The following CDH26 variants were observed in gnomAD, a reference collection of about 807,000 sequenced individuals.
CDH26 encodes the protein cadherin 26, also known as cadherin-like protein 26.
Under a neutral mutation model 90.3 loss-of-function variants are expected in CDH26, and 83 were observed. That is an observed-to-expected ratio of 0.92 (90% confidence interval 0.77 to 1.10). The LOEUF is 1.10. Among genes scored for constraint, CDH26 ranks in the 50% least tolerant of loss-of-function variants. The probability of loss-of-function intolerance (pLI) is 0.00; values close to 1 mark genes in which losing one functional copy is unlikely to be tolerated. For missense variants in CDH26, 1,013 were observed against 1,037.6 expected (o/e 0.98, Z 0.33); for synonymous variants, 397 against 396.3 (o/e 1.00, Z -0.02).
intron 16 of CDH26, among the ~76,000 whole-genome samples, chr20:60,006,200 AG>A (rs2061747639): frequency 6.6e-6 from 1 of 152,152 alleles, no homozygotes; most frequent in Admixed American, 6.5e-5. Flanking sequence ...GGGATTTGTG[AG>A]CCCCCAGATA....
chr20:60,017,415 T>A (rs191141590), downstream of CDH26, among the ~76,000 whole-genome samples: 204 of 152,150 alleles, frequency 1.3e-3, 1 homozygote, highest in South Asian at 2.3e-3. Context: ...TTCACAGTAA[T>A]TAATAATTCT....
At chr20:60,001,499 T>C in intron 15 of CDH26, 88 bp downstream of exon 15, 1 of 1,533,386 alleles carries the variant, frequency 6.5e-7, no homozygotes, top group Non-Finnish European at 8.8e-7. Flanking sequence ...TGTAGAAGAT[T>C]CGGTGATACT....
chr20:59,967,934 CCTTTCTTTCTTTCTTTCTTTCTATCTTT>C lies in CDH26; in HGVS notation c.70-1010_70-983del, dbSNP rs1210447246. The stretch of plus-strand genomic sequence containing the variant: ...CTTTCCTTTCCTTTCCTTTCCTTTC[CCTTTCTTTCTTTCTTTCTTTCTATCTTT>C]CTTTCTTTCTTTCTTTCTTTCTTTC... On this transcript the variant is annotated intron_variant, in intron 1 of 17. Coordinates refer to ENST00000348616, the MANE Select transcript of CDH26 (RefSeq NM_177980.4). Among the ~76,000 whole-genome samples, 59 of 109,816 alleles carry C rather than the reference CCTTTCTTTCTTTCTTTCTTTCTATCTTT, an allele frequency of 5.4e-4. 2 individuals carry two copies. The highest frequency in any genetic ancestry group is 4.7e-3 in the Middle Eastern group (1 of 212). 72.0% of individuals were successfully genotyped at this position (109,816 alleles called of 152,430 possible).
Position 59,985,148 on chromosome 20 carries a change from C to T in CDH26, c.837+19C>T. The T allele has an allele frequency of 6.2e-7, 1 of 1,612,206 alleles. No individual in the cohort carries two copies. The highest frequency in any genetic ancestry group is 1.1e-5 in the South Asian group (1 of 90,792). On this transcript the variant is annotated intron_variant, in intron 7 of 17. Transcript: ENST00000348616. ...GGAGAACGTGAGGCTCCTGGGCCGC[C>T]CCAACGTCTAAGCCCCAAAACAAGT...
At chr20:60,005,930 G>A (rs1049032597) in intron 16 of CDH26, among the ~76,000 whole-genome samples, 1 of 152,140 alleles carries the variant, frequency 6.6e-6, no homozygotes, top group African/African-American at 2.4e-5. Context: ...CACAGAACAC[G>A]CCAAGTTCCC....
At chr20:59,967,888 C>CTCT (rs1569024377) in intron 1 of CDH26, among the ~76,000 whole-genome samples, 16 of 116,222 alleles carry the variant, frequency 1.4e-4, no homozygotes, top group African/African-American at 6.8e-4. Flanking sequence ...TTCCTTCCTT[C>CTCT]CTTCCTTCCT....
intron 1 of CDH26, among the ~76,000 whole-genome samples, chr20:59,961,785 G>C (rs1278402448): frequency 6.6e-6 from 1 of 152,162 alleles, no homozygotes; most frequent in Non-Finnish European, 1.5e-5. Context: ...ACAAGCCAAG[G>C]AAGAGGAGTT....
intron 15 of CDH26, among the ~76,000 whole-genome samples, chr20:60,002,252 G>C (rs2061686831): frequency 6.6e-6 from 1 of 152,038 alleles, no homozygotes; most frequent in African/African-American, 2.4e-5. Context: ...GCACAAAGAT[G>C]ATGCCACAAA....
Position 60,021,897 on chromosome 20 carries a change from C to CACACACACACACACACACATAT in CDH26, c.948-9333_948-9332insCACACACACACACACACATATA, listed in dbSNP as rs1295572684. ...ACACACACACACACACACACACACA[C>CACACACACACACACACACATAT]ATATATATATATATATATATCCTGA... On this transcript the variant is annotated intron_variant, in intron 7 of 8. Transcript: ENST00000370991. 3.2e-3 allele frequency among the ~76,000 whole-genome samples: 253 copies of CACACACACACACACACACATAT among 78,968 alleles called. 23 individuals carry two copies. The highest frequency in any genetic ancestry group is 4.8e-3 in the Non-Finnish European group (162 of 33,794). 51.8% of individuals were successfully genotyped at this position (78,968 alleles called of 152,430 possible).
chr20:60,031,313 A>G (rs1023593261), exon 8 of CDH26: 1 of 1,295,058 alleles, frequency 7.7e-7, no homozygotes, highest in Admixed American at 2.4e-5. Flanking sequence ...GGATTGCCAC[A>G]AGACATTTAC....
intron 17 of CDH26, among the ~76,000 whole-genome samples, chr20:60,011,481 C>G (rs1312967466): frequency 6.6e-6 from 1 of 152,164 alleles, no homozygotes; most frequent in Non-Finnish European, 1.5e-5. Context: ...AATATGTGTT[C>G]TGATACCATC....
intron 8 of CDH26, among the ~76,000 whole-genome samples, chr20:60,032,418 T>C (rs1051787389): frequency 5.9e-5 from 9 of 152,210 alleles, no homozygotes; most frequent in Admixed American, 1.3e-4. Flanking sequence ...GTGGTTCCTC[T>C]AGCAATGTAA....
At chr20:59,964,726 A>G (rs914290916) in intron 1 of CDH26, among the ~76,000 whole-genome samples, 1 of 152,214 alleles carries the variant, frequency 6.6e-6, no homozygotes, top group African/African-American at 2.4e-5. Flanking sequence ...CACCATTTCA[A>G]ACCTCTTTTT....
intron 4 of CDH26, among the ~76,000 whole-genome samples, chr20:59,978,842 A>G (rs1432347512): frequency 1.3e-5 from 2 of 152,248 alleles, no homozygotes; most frequent in East Asian, 3.8e-4. Flanking sequence ...TAGATTTGAT[A>G]TGAAGTTTTT....
rs986789752 is a variant in CDH26 at position 60,021,937 on chromosome 20, C to T, written c.948-9294C>T. 4.2e-5 allele frequency among the ~76,000 whole-genome samples: 5 copies of T among 118,410 alleles called. No homozygotes were observed. The South Asian group carries it at 1.4e-3, about 33-fold the overall frequency. The allele number at this position is 118,410 out of a possible 152,430, so 77.7% of individuals were successfully genotyped here. A position where few individuals can be genotyped will look rare whatever the true frequency, so the allele number is the denominator to read the frequency against. ...ATATATCCTGACTATTTTCATAGGC[C>T]TTTCGGTCTTGGAATTATAGTGTCC... On this transcript the variant is annotated intron_variant, in intron 7 of 8. Coordinates refer to the CDH26 transcript ENST00000370991.
chr20:59,988,896 G>T lies in CDH26; in HGVS notation c.1024-8G>T, dbSNP rs779164419. Reference sequence around the variant, plus strand: ...GGTGCTAATGAAATCCTCTCTCTGGGGTTCCAGCCTTTGGATTATGAGACT... The same window carrying T: ...GGTGCTAATGAAATCCTCTCTCTGGTGTTCCAGCCTTTGGATTATGAGACT... On this transcript the variant is annotated splice_region_variant and splice_polypyrimidine_tract_variant and intron_variant, in intron 8 of 17. Transcript: ENST00000348616. 1 of 1,612,242 alleles carries T rather than the reference G, an allele frequency of 6.2e-7. No homozygotes were observed. The highest frequency in any genetic ancestry group is 8.5e-7 in the Non-Finnish European group (1 of 1,178,594).
intron 17 of CDH26, among the ~76,000 whole-genome samples, chr20:60,010,964 C>T (rs372849092): frequency 4.6e-5 from 7 of 152,230 alleles, no homozygotes; most frequent in East Asian, 1.9e-4. Context: ...TGGCCAGGTA[C>T]GTGTCCCTGA....
downstream of CDH26, among the ~76,000 whole-genome samples, chr20:60,019,020 G>A (rs1371408952): frequency 6.6e-6 from 1 of 152,002 alleles, no homozygotes; most frequent in African/African-American, 2.4e-5. Context: ...TTTGTTTACA[G>A]TACTTCGAAT....
At chr20:59,961,007 T>C (rs145550841) in intron 1 of CDH26, among the ~76,000 whole-genome samples, 142 of 152,358 alleles carry the variant, frequency 9.3e-4, no homozygotes, top group Non-Finnish European at 1.6e-3. Flanking sequence ...TGGTACCAGT[T>C]GCTTGAGGTT....
Sources: gnomAD v4.1 joint callset for allele counts (sites outside exome capture counted in the v4.1 genomes callset) on GRCh38, gnomAD v4.1.1 for gene constraint, MANE v1.5 for transcripts, NCBI Gene and HGNC (gene_info 2026-07-23, HGNC 2026-07-21) for gene names.